PTPRT: variants seen among roughly 807,000 people sequenced by gnomAD.
PTPRT encodes the protein protein tyrosine phosphatase receptor type T.
PTPRT carries 56 observed loss-of-function variants against 176.8 expected under a neutral mutation model. That is an observed-to-expected ratio of 0.32 (90% CI 0.26 to 0.40). PTPRT has a LOEUF of 0.40. PTPRT is among the 10% of genes least tolerant of loss of function. The pLI is 1.00. For synonymous variants in PTPRT, 783 were observed against 739.0 expected (o/e 1.06, Z -0.96); for missense variants, 1,540 against 1,908.2 (o/e 0.81, Z 3.60).
chr20:42,546,691 C>A (rs906360645), intron 7 of PTPRT, among the ~76,000 whole-genome samples: 37 of 152,100 alleles, frequency 2.4e-4, no homozygotes, highest in African/African-American at 7.7e-4. Flanking sequence ...CTCTTCCTTT[C>A]ACTTGAACAC....
intron 7 of PTPRT, among the ~76,000 whole-genome samples, chr20:42,512,946 G>A (rs531897404): frequency 1.1e-3 from 160 of 152,048 alleles, no homozygotes; most frequent in African/African-American, 3.6e-3. Context: ...CACAACCTCC[G>A]CCTCCTGGGT....
chr20:42,620,225 TG>T (rs909096430), intron 7 of PTPRT, among the ~76,000 whole-genome samples: 1 of 149,476 alleles, frequency 6.7e-6, no homozygotes, highest in Non-Finnish European at 1.5e-5. Context: ...GTGCCCCTGC[TG>T]GGGGGTGCCT....
intron 1 of PTPRT, among the ~76,000 whole-genome samples, chr20:43,179,628 C>T (rs1186181669): frequency 6.6e-6 from 1 of 152,156 alleles, no homozygotes; most frequent in African/African-American, 2.4e-5. Flanking sequence ...TTCTGACATG[C>T]CTAATTAACT....
intron 2 of PTPRT, among the ~76,000 whole-genome samples, chr20:42,841,027 C>T (rs1032248911): frequency 6.6e-6 from 1 of 152,298 alleles, no homozygotes. Flanking sequence ...CTTGGCAAGG[C>T]TACTGACAGC....
At chr20:42,581,646 A>T (rs1312334773) in intron 7 of PTPRT, among the ~76,000 whole-genome samples, 1 of 152,228 alleles carries the variant, frequency 6.6e-6, no homozygotes, top group Admixed American at 6.5e-5. Flanking sequence ...CTGAATGTGT[A>T]ATTTTGACAA....
intron 9 of PTPRT, among the ~76,000 whole-genome samples, chr20:42,417,065 G>C (rs2059072689): frequency 6.6e-6 from 1 of 152,164 alleles, no homozygotes; most frequent in Non-Finnish European, 1.5e-5. Context: ...ATAGAAGCTG[G>C]AGAGGGAGAA....
chr20:42,780,333 A>C (rs771258934), intron 3 of PTPRT, 34 bp from the exon 4 acceptor site: 1 of 1,547,926 alleles, frequency 6.5e-7, no homozygotes, highest in Admixed American at 1.7e-5. Flanking sequence ...AATTTCACAG[A>C]AACAGTTGCA....
chr20:42,601,189 C>T (rs1159200146), intron 7 of PTPRT, among the ~76,000 whole-genome samples: 2 of 152,120 alleles, frequency 1.3e-5, no homozygotes, highest in African/African-American at 2.4e-5. Context: ...CCATTGATTC[C>T]AAACAGTGCA....
At chr20:42,600,045 C>T (rs542301204) in intron 7 of PTPRT, among the ~76,000 whole-genome samples, 1 of 152,320 alleles carries the variant, frequency 6.6e-6, no homozygotes, top group South Asian at 2.1e-4. Flanking sequence ...CTGCAGCCTT[C>T]AAAACCTAGC....
intron 7 of PTPRT, among the ~76,000 whole-genome samples, chr20:42,663,339 CT>C (rs1163707101): frequency 6.6e-6 from 1 of 152,128 alleles, no homozygotes. Flanking sequence ...GTTGAAAGGA[CT>C]TTTAAAGTCT....
chr20:42,447,260 C>T (rs988235186), intron 9 of PTPRT, among the ~76,000 whole-genome samples: 3 of 152,172 alleles, frequency 2.0e-5, no homozygotes, highest in South Asian at 4.2e-4. Context: ...CTTTCCCCCT[C>T]GTCAGATTCC....
At chr20:42,190,588 T>C (rs1411927113) in intron 16 of PTPRT, among the ~76,000 whole-genome samples, 2 of 152,230 alleles carry the variant, frequency 1.3e-5, no homozygotes, top group African/African-American at 4.8e-5. Context: ...AGTGATTCTC[T>C]GAATCACCTG....
intron 1 of PTPRT, among the ~76,000 whole-genome samples, chr20:42,904,203 A>T (rs2079445016): frequency 6.6e-6 from 1 of 152,178 alleles, no homozygotes; most frequent in African/African-American, 2.4e-5. Flanking sequence ...TTTAATCTGC[A>T]AAGGACCAAT....
At chr20:42,403,910 C>A (rs148194064) in intron 9 of PTPRT, among the ~76,000 whole-genome samples, 42 of 152,252 alleles carry the variant, frequency 2.8e-4, no homozygotes, top group African/African-American at 1.0e-3. Flanking sequence ...TCTCCTCATT[C>A]TATGGGAGTC....
chr20:42,979,992 G>A (rs1316122654), intron 1 of PTPRT, among the ~76,000 whole-genome samples: 1 of 73,490 alleles, frequency 1.4e-5, no homozygotes, highest in African/African-American at 5.8e-5. Context: ...AGGGGGGGTG[G>A]GGGGGGGTCT....
At chr20:43,117,365 G>A (rs1187623390) in intron 1 of PTPRT, among the ~76,000 whole-genome samples, 1 of 152,156 alleles carries the variant, frequency 6.6e-6, no homozygotes, top group African/African-American at 2.4e-5. Context: ...GTATATTTAT[G>A]GAATGTTTAT....
intron 9 of PTPRT, among the ~76,000 whole-genome samples, chr20:42,446,198 ACCAGGG>A (rs1240914343): frequency 1.3e-5 from 2 of 152,206 alleles, no homozygotes; most frequent in East Asian, 3.8e-4. Flanking sequence ...ATGTACAAGG[ACCAGGG>A]CTTTTCCATG....
rs142717787 is a variant in PTPRT at position 42,993,093 on chromosome 20, C to T, written c.89-107161G>A. ...GGAAGGGACACAAACTGAGGCATGA[C>T]GAGCTTCCGGAAAAGCACACGGAAC... On this transcript the variant is annotated intron_variant, in intron 1 of 30. Transcript: ENST00000373187. Among the ~76,000 whole-genome samples, 87 of 152,170 alleles carry T rather than the reference C, an allele frequency of 5.7e-4. 1 individual carries two copies. Among genetic ancestry groups the T allele is most frequent in the African/African-American group, 1.6e-3 (68 of 41,492 alleles).
chr20:42,107,046 T>C (rs1986518150), intron 23 of PTPRT, 125 bp from the exon 24 acceptor site: 2 of 1,239,350 alleles, frequency 1.6e-6, no homozygotes, highest in East Asian at 2.4e-5. Flanking sequence ...TGTTCCCACA[T>C]TTCCTTTCTT....
Sources: allele counts gnomAD v4.1 joint callset (sites outside exome capture counted in the v4.1 genomes callset), GRCh38; gene constraint gnomAD v4.1.1; transcripts MANE v1.5; gene names NCBI Gene and HGNC (gene_info 2026-07-23, HGNC 2026-07-21).